The following NPAS3 variants were observed in gnomAD, a reference collection of about 807,000 sequenced individuals.
NPAS3 encodes the protein neuronal PAS domain-containing protein 3.
NPAS3 carries 14 observed loss-of-function variants against 73.1 expected under a neutral mutation model. That is an observed-to-expected ratio of 0.19 (90% CI 0.13 to 0.30). The LOEUF (loss-of-function observed/expected upper bound fraction) is 0.30. Ranked by LOEUF, NPAS3 falls within the 10% of genes least tolerant of loss-of-function variation. The probability of loss-of-function intolerance (pLI) is 1.00; values close to 1 mark genes in which losing one functional copy is unlikely to be tolerated. For synonymous variants in NPAS3, 620 were observed against 541.5 expected, an observed-to-expected ratio of 1.14 and a Z score of -2.01; for missense variants, 1,096 against 1,250.0, an observed-to-expected ratio of 0.88 and a Z score of 1.86.
chr14:33,292,070 G>A (rs2042121524), intron 3 of NPAS3, among the ~76,000 whole-genome samples: 1 of 152,196 alleles, frequency 6.6e-6, no homozygotes, highest in Non-Finnish European at 1.5e-5. Context: ...GCCTCATGTA[G>A]TATAATATAC....
At chr14:33,795,346 T>A (rs1220313180) in intron 10 of NPAS3, among the ~76,000 whole-genome samples, 2 of 152,180 alleles carry the variant, frequency 1.3e-5, no homozygotes, top group Admixed American at 6.6e-5. Context: ...AAGGCCTGAT[T>A]TCCGTGCAAA....
At chr14:33,251,680 A>G (rs2048589968) in intron 3 of NPAS3, among the ~76,000 whole-genome samples, 2 of 152,152 alleles carry the variant, frequency 1.3e-5, no homozygotes, top group South Asian at 4.1e-4. Flanking sequence ...CAGAACAAAT[A>G]TGAAAAAAAT....
chr14:33,242,941 C>A (rs2048258244), intron 3 of NPAS3, among the ~76,000 whole-genome samples: 2 of 152,094 alleles, frequency 1.3e-5, no homozygotes, highest in African/African-American at 4.8e-5. Context: ...TAAAGTCTGC[C>A]CTCTCTACAG....
At chr14:33,156,385 T>C (rs72676792) in intron 2 of NPAS3, among the ~76,000 whole-genome samples, 3,199 of 152,290 alleles carry the variant, frequency 0.021, 36 homozygotes, top group Non-Finnish European at 0.032. Context: ...TTAAGTTTGC[T>C]AAAGCTTTTT....
At chr14:33,243,283 A>G (rs910931809) in intron 3 of NPAS3, among the ~76,000 whole-genome samples, 1 of 152,178 alleles carries the variant, frequency 6.6e-6, no homozygotes, top group African/African-American at 2.4e-5. Context: ...GCAAACTGGG[A>G]TATCTATCTC....
intron 4 of NPAS3, among the ~76,000 whole-genome samples, chr14:33,541,095 A>AGG (rs771119139): frequency 0.1 from 5,869 of 56,964 alleles, 151 homozygotes; most frequent in African/African-American, 0.21. Context: ...GTATGTTTAG[A>AGG]GGTGTGTGTG....
chr14:33,681,336 C>T (rs2059932176), intron 6 of NPAS3, among the ~76,000 whole-genome samples: 1 of 152,160 alleles, frequency 6.6e-6, no homozygotes, highest in Non-Finnish European at 1.5e-5. Context: ...TATCAATGAA[C>T]TGAATTTAGA....
At chr14:33,385,015 C>T (rs2046717442) in intron 4 of NPAS3, among the ~76,000 whole-genome samples, 1 of 152,160 alleles carries the variant, frequency 6.6e-6, no homozygotes, top group African/African-American at 2.4e-5. Context: ...AAAGCTGGCG[C>T]AGGTGAGCAG....
At chr14:32,961,180 G>A (rs960853580) in intron 1 of NPAS3, among the ~76,000 whole-genome samples, 7 of 152,072 alleles carry the variant, frequency 4.6e-5, no homozygotes, top group African/African-American at 2.4e-5. Flanking sequence ...TTGGGAGGCC[G>A]AGGTGGGCGG....
At chr14:33,481,584 A>G (rs2051326491) in intron 4 of NPAS3, among the ~76,000 whole-genome samples, 1 of 152,202 alleles carries the variant, frequency 6.6e-6, no homozygotes, top group African/African-American at 2.4e-5. Flanking sequence ...TGAATAGTTT[A>G]TTTAAATACA....
At chr14:33,276,619 T>G (rs1295251705) in intron 3 of NPAS3, among the ~76,000 whole-genome samples, 3 of 152,096 alleles carry the variant, frequency 2.0e-5, no homozygotes, top group African/African-American at 7.2e-5. Flanking sequence ...TTTTTTTCCC[T>G]GAGCTTCATT....
At chr14:33,771,533 T>C (rs568485223) in intron 7 of NPAS3, among the ~76,000 whole-genome samples, 12 of 152,298 alleles carry the variant, frequency 7.9e-5, no homozygotes, top group Non-Finnish European at 1.6e-4. Flanking sequence ...ATCTGGTGGC[T>C]GGGCGCTGTG....
chr14:33,036,670 T>C (rs973154964), intron 1 of NPAS3, among the ~76,000 whole-genome samples: 3 of 152,182 alleles, frequency 2.0e-5, no homozygotes, highest in Admixed American at 6.5e-5. Flanking sequence ...TATCTAAAAT[T>C]AGTCGTCATA....
At chr14:33,176,154 T>C (rs938051382) in intron 2 of NPAS3, among the ~76,000 whole-genome samples, 18 of 152,164 alleles carry the variant, frequency 1.2e-4, no homozygotes. Context: ...GCTTAGCAAA[T>C]TATGCCAGAG....
chr14:32,972,424 A>G (rs1248639679), intron 1 of NPAS3, among the ~76,000 whole-genome samples: 4 of 152,248 alleles, frequency 2.6e-5, no homozygotes, highest in Non-Finnish European at 4.4e-5. Context: ...GAAGATTCAT[A>G]AAATCAAGTT....
At chr14:33,296,858 G>T (rs2042322172) in intron 3 of NPAS3, among the ~76,000 whole-genome samples, 1 of 152,158 alleles carries the variant, frequency 6.6e-6, no homozygotes, top group Non-Finnish European at 1.5e-5. Context: ...GGTGAAAAGG[G>T]TCTTTTCTGT....
chr14:33,799,600 G>A (rs1005921587), intron 11 of NPAS3, 134 bp from the exon 12 acceptor site: 2 of 851,222 alleles, frequency 2.3e-6, no homozygotes, highest in South Asian at 1.6e-5. Context: ...GGAGAAGCCC[G>A]TGATGAGGAC....
At chr14:33,402,708 A>G (rs749677438) in intron 4 of NPAS3, among the ~76,000 whole-genome samples, 5 of 152,140 alleles carry the variant, frequency 3.3e-5, no homozygotes, top group Non-Finnish European at 5.9e-5. Context: ...TCATCACCCT[A>G]TAGTTCTTAT....
chr14:33,312,411 G>A (rs1037906749), intron 3 of NPAS3, among the ~76,000 whole-genome samples: 1 of 151,940 alleles, frequency 6.6e-6, no homozygotes, highest in Admixed American at 6.6e-5. Context: ...GTGTGTGTGT[G>A]AGTGTGTGAA....
Sources: allele counts gnomAD v4.1 joint callset (sites outside exome capture counted in the v4.1 genomes callset), GRCh38; gene constraint gnomAD v4.1.1; transcripts MANE v1.5; gene names NCBI Gene and HGNC (gene_info 2026-07-23, HGNC 2026-07-21).